LUZP1: variants seen among roughly 807,000 people sequenced by gnomAD.
The protein encoded by LUZP1 is filamin mechanobinding actin cross-linking protein.
Under a neutral mutation model 71.3 loss-of-function variants are expected in LUZP1, and 25 were observed. The ratio of observed to expected loss-of-function variants is 0.35; its 90% CI spans 0.26 to 0.49. The LOEUF (loss-of-function observed/expected upper bound fraction) is 0.49, where lower values mean the gene tolerates loss of function less well. Ranked by LOEUF, LUZP1 falls within the 20% of genes least tolerant of loss-of-function variation. The pLI is 0.99. For missense variants in LUZP1, 1,142 were observed against 1,300.8 expected, an observed-to-expected ratio of 0.88 and a Z score of 1.88; for synonymous variants, 481 against 506.4, an observed-to-expected ratio of 0.95 and a Z score of 0.67.
At chr1:23,142,698 T>TACAC (rs758077526) in intron 2 of LUZP1, among the ~76,000 whole-genome samples, 162 of 101,444 alleles carry the variant, frequency 1.6e-3, no homozygotes, top group African/African-American at 2.5e-3. Context: ...TATATATATA[T>TACAC]ATACACACAC....
chr1:23,141,509 G>A (rs914192910), intron 2 of LUZP1, among the ~76,000 whole-genome samples: 1 of 152,116 alleles, frequency 6.6e-6, no homozygotes, highest in Non-Finnish European at 1.5e-5. Context: ...CCTGGAGGGA[G>A]TGAGAGCACC....
intron 3 of LUZP1, among the ~76,000 whole-genome samples, chr1:23,103,236 C>T (rs548770493): frequency 8.5e-5 from 13 of 152,102 alleles, no homozygotes; most frequent in Non-Finnish European, 1.9e-4. Flanking sequence ...CGAGCCACCG[C>T]CCCTGGCCAA....
chr1:23,092,618 G>A (rs755073739), exon 4 of LUZP1: 26 of 1,614,034 alleles, frequency 1.6e-5, no homozygotes, highest in African/African-American at 8.0e-5. Context: ...CTTGACTTCC[G>A]TTGCCAAGCA....
intron 2 of LUZP1, among the ~76,000 whole-genome samples, chr1:23,124,405 G>A (rs1644154441): frequency 6.6e-6 from 1 of 152,150 alleles, no homozygotes; most frequent in African/African-American, 2.4e-5. Flanking sequence ...CTTTAAGGGA[G>A]TCAAGTGGCT....
At chr1:23,142,044 C>T (rs1644307276) in intron 2 of LUZP1, among the ~76,000 whole-genome samples, 1 of 151,828 alleles carries the variant, frequency 6.6e-6, no homozygotes, top group Non-Finnish European at 1.5e-5. Context: ...CAGGGTTTCT[C>T]CATGTTGGTC....
rs115159824 is a variant in LUZP1, at chr1:23,144,935, C to T, written c.-226+23831G>A. On this transcript the variant is annotated intron_variant, in intron 2 of 4. Transcript: ENST00000302291. ...CTTTGCTCTGTCTTGCTCTGTTGCC[C>T]AGGCTGCAATGCAGTGGTGGCATGA... 4.7e-3 allele frequency among the ~76,000 whole-genome samples: 710 copies of T among 152,168 alleles called. 7 individuals carry two copies. The highest frequency in any genetic ancestry group is 0.015 in the African/African-American group (613 of 41,500).
intron 2 of LUZP1, among the ~76,000 whole-genome samples, chr1:23,143,031 T>TA (rs1171231465): frequency 1.3e-5 from 2 of 151,950 alleles, no homozygotes; most frequent in Admixed American, 1.3e-4. Context: ...TGTTTTTTGA[T>TA]AGAGTCTTAC....
intron 2 of LUZP1, among the ~76,000 whole-genome samples, chr1:23,159,202 G>T (rs554432209): frequency 6.6e-6 from 1 of 151,760 alleles, no homozygotes; most frequent in African/African-American, 2.4e-5. Context: ...TTAGCCAGGC[G>T]TGGTGGCGGG....
chr1:23,087,988 C>T (rs1299004722), exon 5 of LUZP1: 1 of 152,682 alleles, frequency 6.5e-6, no homozygotes, highest in African/African-American at 2.4e-5. Flanking sequence ...AAGGGGTCTG[C>T]TTTCCCTCTT....
intron 2 of LUZP1, among the ~76,000 whole-genome samples, chr1:23,158,282 T>C (rs1269087151): frequency 6.6e-6 from 1 of 152,246 alleles, no homozygotes; most frequent in Non-Finnish European, 1.5e-5. Context: ...CGGTTCACCT[T>C]GGTTTGAATA....
intron 3 of LUZP1, among the ~76,000 whole-genome samples, chr1:23,103,819 G>A (rs1350710344): frequency 7.4e-6 from 1 of 134,772 alleles, no homozygotes; most frequent in Admixed American, 7.6e-5. Flanking sequence ...TGGGAAGGAG[G>A]GAGGGAGGAA....
intron 2 of LUZP1, among the ~76,000 whole-genome samples, chr1:23,151,296 G>A (rs1016559023): frequency 3.3e-5 from 5 of 151,990 alleles, no homozygotes; most frequent in Admixed American, 2.6e-4. Flanking sequence ...CGCCTGCCTC[G>A]GCCTCCCAAA....
chr1:23,097,507 C>T (rs1420718029), intron 3 of LUZP1, among the ~76,000 whole-genome samples: 1 of 152,068 alleles, frequency 6.6e-6, no homozygotes, highest in East Asian at 1.9e-4. Flanking sequence ...CGTATGAAGG[C>T]ACGACCAAAA....
chr1:23,133,204 T>C (rs1384553319), intron 2 of LUZP1, among the ~76,000 whole-genome samples: 1 of 152,238 alleles, frequency 6.6e-6, no homozygotes, highest in Non-Finnish European at 1.5e-5. Context: ...AAAATCACAG[T>C]GACGATATAT....
intron 4 of LUZP1, among the ~76,000 whole-genome samples, chr1:23,090,050 G>A (rs551827110): frequency 2.0e-5 from 3 of 152,206 alleles, no homozygotes; most frequent in East Asian, 1.9e-4. Flanking sequence ...GAGCCACCAC[G>A]CCTGGCCAGA....
At chr1:23,117,489 CCCA>C (rs1416972193) in intron 2 of LUZP1, among the ~76,000 whole-genome samples, 18 of 66,252 alleles carry the variant, frequency 2.7e-4, no homozygotes, top group African/African-American at 5.0e-4. Flanking sequence ...CCCCCCCCCC[CCCA>C]CAATCAGGAA....
At chr1:23,119,251 CTTTT>C (rs35522356) in intron 2 of LUZP1, among the ~76,000 whole-genome samples, 7 of 69,992 alleles carry the variant, frequency 1.0e-4, no homozygotes, top group African/African-American at 4.3e-4. Context: ...GTGACTAGCT[CTTTT>C]TTTTTTTTTT....
At chr1:23,163,237 CAA>C (rs36097785) in intron 2 of LUZP1, among the ~76,000 whole-genome samples, 14 of 45,154 alleles carry the variant, frequency 3.1e-4, no homozygotes, top group Non-Finnish European at 3.6e-4. Context: ...GAGACTCTCT[CAA>C]AAAAAAAAAA....
exon 5 of LUZP1, chr1:23,088,824 C>A (rs1643806981): frequency 1.9e-6 from 3 of 1,552,420 alleles, no homozygotes. Flanking sequence ...GGCCTTGGAT[C>A]CTTCGTGGGG....
Sources: allele counts gnomAD v4.1 joint callset (sites outside exome capture counted in the v4.1 genomes callset), GRCh38; gene constraint gnomAD v4.1.1; transcripts MANE v1.5; gene names NCBI Gene and HGNC (gene_info 2026-07-23, HGNC 2026-07-21).